SLC9C2: variants seen among roughly 807,000 people sequenced by gnomAD.
The protein encoded by SLC9C2 is solute carrier family 9 member C2 (putative), also known as sodium/hydrogen exchanger 11.
A neutral mutation model predicts 140.2 loss-of-function variants in SLC9C2; 75 were observed. The observed-to-expected ratio is 0.53, with a 90% CI of 0.44 to 0.65. The LOEUF (loss-of-function observed/expected upper bound fraction) is 0.65, where lower values mean the gene tolerates loss of function less well. Among genes scored for constraint, SLC9C2 ranks in the 30% least tolerant of loss-of-function variants. The pLI, the probability that SLC9C2 is intolerant of heterozygous loss-of-function variation, is 0.00. For missense variants in SLC9C2, 1,074 were observed against 1,331.8 expected (o/e 0.81, Z 3.01); for synonymous variants, 375 against 420.9 (o/e 0.89, Z 1.34).
At chr1:173,583,839 C>T (rs1200148696) in intron 5 of SLC9C2, among the ~76,000 whole-genome samples, 1 of 152,208 alleles carries the variant, frequency 6.6e-6, no homozygotes, top group African/African-American at 2.4e-5. Context: ...ATGGCGATAG[C>T]ACTGCTTGTA....
chr1:173,560,426 A>T (rs1664030851), intron 9 of SLC9C2, among the ~76,000 whole-genome samples: 2 of 152,132 alleles, frequency 1.3e-5, no homozygotes, highest in African/African-American at 4.8e-5. Context: ...GTTGCCTCTC[A>T]AGGGATAGCC....
chr1:173,536,572 C>T (rs893618688), intron 14 of SLC9C2, among the ~76,000 whole-genome samples: 3 of 152,176 alleles, frequency 2.0e-5, no homozygotes, highest in Non-Finnish European at 4.4e-5. Context: ...TCTAAACCTC[C>T]TCTGTCTGGT....
intron 7 of SLC9C2, among the ~76,000 whole-genome samples, chr1:173,580,351 A>C (rs966412363): frequency 1.3e-5 from 2 of 149,716 alleles, no homozygotes; most frequent in East Asian, 4.1e-4. Flanking sequence ...TAGGTGATAT[A>C]ACACTTTTTT....
At chr1:173,508,144 T>C (rs973790844) in intron 24 of SLC9C2, among the ~76,000 whole-genome samples, 3 of 152,014 alleles carry the variant, frequency 2.0e-5, no homozygotes, top group African/African-American at 7.2e-5. Context: ...CAAATGTATC[T>C]AGTATTTCAC....
chr1:173,514,163 T>C (rs903752912), intron 23 of SLC9C2, among the ~76,000 whole-genome samples: 49 of 152,360 alleles, frequency 3.2e-4, no homozygotes, highest in African/African-American at 1.1e-3. Flanking sequence ...GTTCTGTAGA[T>C]GTCTATTAGT....
intron 5 of SLC9C2, among the ~76,000 whole-genome samples, chr1:173,586,958 T>A (rs1397804799): frequency 6.6e-6 from 1 of 152,086 alleles, no homozygotes; most frequent in East Asian, 1.9e-4. Flanking sequence ...TATACCTATG[T>A]AACAAATCTG....
At chr1:173,556,818 C>A (rs1339719190) in intron 10 of SLC9C2, among the ~76,000 whole-genome samples, 20 of 151,662 alleles carry the variant, frequency 1.3e-4, no homozygotes, top group African/African-American at 4.1e-4. Flanking sequence ...ATCCCAGCTA[C>A]TTGGGAAGCT....
chr1:173,510,286 AT>A lies in SLC9C2; in HGVS notation c.2908-588del, dbSNP rs1462980186. On this transcript the variant is annotated intron_variant, in intron 23 of 27. Transcript: ENST00000367714. ...CTTTTGCATCATATAGTCTCCAAAGATTGAGAATTCTTTGGCTCATTTCTTT... is the reference window on the plus strand; with the variant it reads ...CTTTTGCATCATATAGTCTCCAAAGATGAGAATTCTTTGGCTCATTTCTTT... 2.0e-5 allele frequency among the ~76,000 whole-genome samples: 3 copies of A among 152,122 alleles called. No homozygotes were observed. In the East Asian group the frequency reaches 5.8e-4, roughly 29 times the overall value.
At chr1:173,536,903 C>T (rs182332930) in intron 14 of SLC9C2, 39 bp downstream of exon 14, 1 of 1,388,896 alleles carries the variant, frequency 7.2e-7, no homozygotes, top group Non-Finnish European at 1.0e-6. Context: ...TATAGTCATT[C>T]AATTTTGGAA....
intron 24 of SLC9C2, among the ~76,000 whole-genome samples, chr1:173,509,333 T>A (rs1007116158): frequency 6.6e-6 from 1 of 151,708 alleles, no homozygotes. Context: ...TAATCCCAGT[T>A]ACTTGGGAGG....
At chr1:173,526,007 C>T (rs1159734879) in intron 19 of SLC9C2, among the ~76,000 whole-genome samples, 4 of 152,196 alleles carry the variant, frequency 2.6e-5, no homozygotes, top group Non-Finnish European at 5.9e-5. Flanking sequence ...ACAATGTGGT[C>T]ATGAATATGA....
chr1:173,592,831 T>C (rs2102257025), intron 4 of SLC9C2, among the ~76,000 whole-genome samples: 1 of 152,280 alleles, frequency 6.6e-6, no homozygotes, highest in East Asian at 1.9e-4. Flanking sequence ...CTCTTCCTAT[T>C]TGGATGCCTC....
At chr1:173,520,537 A>G (rs1487493921) in intron 22 of SLC9C2, among the ~76,000 whole-genome samples, 1 of 152,200 alleles carries the variant, frequency 6.6e-6, no homozygotes, top group Non-Finnish European at 1.5e-5. Flanking sequence ...TGTCAATCCC[A>G]TGCCTAGAAT....
intron 1 of SLC9C2, among the ~76,000 whole-genome samples, chr1:173,602,527 C>T (rs971512084): frequency 6.6e-6 from 1 of 152,134 alleles, no homozygotes; most frequent in African/African-American, 2.4e-5. Flanking sequence ...TTCCTCAGAG[C>T]AATGAAGCCT....
chr1:173,592,901 C>A (rs1466940937), intron 4 of SLC9C2, among the ~76,000 whole-genome samples: 1 of 152,230 alleles, frequency 6.6e-6, no homozygotes, highest in African/African-American at 2.4e-5. Flanking sequence ...CCCTACAAGA[C>A]AGTGGAGATC....
chr1:173,526,372 A>G (rs952035654), intron 19 of SLC9C2, among the ~76,000 whole-genome samples: 8 of 152,114 alleles, frequency 5.3e-5, no homozygotes, highest in African/African-American at 1.9e-4. Flanking sequence ...TACACTTTCC[A>G]CACTCCTCTC....
At chr1:173,585,471 C>T (rs915626801) in intron 5 of SLC9C2, among the ~76,000 whole-genome samples, 9 of 152,082 alleles carry the variant, frequency 5.9e-5, no homozygotes, top group Non-Finnish European at 1.2e-4. Flanking sequence ...ATCTAATTCA[C>T]ACAAAGGGAC....
chr1:173,589,933 T>C (rs928075124), intron 4 of SLC9C2, among the ~76,000 whole-genome samples: 1 of 152,066 alleles, frequency 6.6e-6, no homozygotes, highest in Non-Finnish European at 1.5e-5. Flanking sequence ...AATCTACAAC[T>C]AATGGGAATT....
chr1:173,513,756 T>C lies in SLC9C2; in HGVS notation c.2907+3781A>G, dbSNP rs149688627. On this transcript the variant is annotated intron_variant, in intron 23 of 27. Coordinates refer to ENST00000367714, the MANE Select transcript of SLC9C2 (RefSeq NM_178527.4). ...TTAATTGTGATGTTAGGGTGTTGAT[T>C]TGAGATCTTTCTAGCTTTCTGATGT... is the stretch of plus-strand genomic sequence containing the variant. Among the ~76,000 whole-genome samples the C allele has an allele frequency of 9.5e-3, 1,443 of 152,328 alleles. 25 individuals carry two copies. Among genetic ancestry groups the C allele is most frequent in the African/African-American group, 0.033 (1,386 of 41,570 alleles).
Sources: allele counts gnomAD v4.1 joint callset (sites outside exome capture counted in the v4.1 genomes callset), GRCh38; gene constraint gnomAD v4.1.1; transcripts MANE v1.5; gene names NCBI Gene and HGNC (gene_info 2026-07-23, HGNC 2026-07-21).